The following SCARA3 variants were observed in gnomAD, a reference collection of about 807,000 sequenced individuals.
The protein encoded by SCARA3 is scavenger receptor class A member 3.
Under a neutral mutation model 47.0 loss-of-function variants are expected in SCARA3, and 39 were observed. That is an observed-to-expected ratio of 0.83 (90% CI 0.64 to 1.08). SCARA3 has a LOEUF of 1.08. SCARA3 is among the 50% of genes least tolerant of loss of function. The pLI, the probability that SCARA3 is intolerant of heterozygous loss-of-function variation, is 0.00. For missense variants in SCARA3, 724 were observed against 792.3 expected (o/e 0.91, Z 1.04); for synonymous variants, 356 against 334.1 (o/e 1.07, Z -0.71).
the SCARA3 span, among the ~76,000 whole-genome samples, chr8:27,716,263 T>C: frequency 6.6e-6 from 1 of 152,082 alleles, no homozygotes; most frequent in South Asian, 2.1e-4. Flanking sequence ...CAGTGAGCTG[T>C]GATTTCGCCA....
the SCARA3 span, among the ~76,000 whole-genome samples, chr8:27,696,684 C>CAAACT: frequency 2.0e-5 from 3 of 149,202 alleles, 1 homozygote; most frequent in Non-Finnish European, 4.4e-5. Flanking sequence ...CTGCTGGTCT[C>CAAACT]AAACTATTGT....
the SCARA3 span, among the ~76,000 whole-genome samples, chr8:27,721,008 C>A: frequency 6.6e-6 from 1 of 152,050 alleles, no homozygotes; most frequent in African/African-American, 2.4e-5. Flanking sequence ...ATTCACCCAC[C>A]TATTCACCCA....
chr8:27,687,902 G>A, the SCARA3 span, among the ~76,000 whole-genome samples: 1 of 152,170 alleles, frequency 6.6e-6, no homozygotes, highest in Non-Finnish European at 1.5e-5. Flanking sequence ...TGTAATCCCA[G>A]CTGCTCAGGA....
At chr8:27,690,072 G>C in the SCARA3 span, among the ~76,000 whole-genome samples, 1 of 152,192 alleles carries the variant, frequency 6.6e-6, no homozygotes, top group Non-Finnish European at 1.5e-5. Flanking sequence ...GTACCCAAGA[G>C]ACTGATCAGA....
At chr8:27,705,666 C>T in the SCARA3 span, among the ~76,000 whole-genome samples, 12 of 152,212 alleles carry the variant, frequency 7.9e-5, no homozygotes, top group Admixed American at 2.0e-4. Context: ...CCATGTGCCA[C>T]GCACCGTGCA....
the SCARA3 span, among the ~76,000 whole-genome samples, chr8:27,704,419 C>G: frequency 6.6e-6 from 1 of 152,080 alleles, no homozygotes; most frequent in African/African-American, 2.4e-5. Context: ...GCACTCCAGC[C>G]TGGGTGACAG....
At chr8:27,728,977 G>A in the SCARA3 span, among the ~76,000 whole-genome samples, 1 of 152,118 alleles carries the variant, frequency 6.6e-6, no homozygotes, top group Non-Finnish European at 1.5e-5. Context: ...TGAAGCAGGA[G>A]GATTTTGAGT....
intron 3 of SCARA3, among the ~76,000 whole-genome samples, chr8:27,656,504 T>A (rs926267307): frequency 2.6e-5 from 4 of 152,184 alleles, no homozygotes; most frequent in African/African-American, 9.7e-5. Flanking sequence ...AAGAATAATT[T>A]TTTTTTAATT....
intron 5 of SCARA3, among the ~76,000 whole-genome samples, chr8:27,660,532 G>GAGAT (rs11374289): frequency 0.026 from 3,822 of 147,676 alleles, 78 homozygotes; most frequent in African/African-American, 0.053. Flanking sequence ...AGATAGAGAT[G>GAGAT]AGATAGATAG....
intron 1 of SCARA3, among the ~76,000 whole-genome samples, chr8:27,642,936 G>A (rs997548793): frequency 6.6e-6 from 1 of 152,208 alleles, no homozygotes; most frequent in African/African-American, 2.4e-5. Context: ...TGGACAGAGA[G>A]GAGATCAGTG....
In SCARA3 at chr8:27,671,872, T is replaced by G; in HGVS notation, c.*521T>G. On this transcript the variant is annotated 3_prime_UTR_variant, in exon 6 of 6. Transcript: ENST00000301904. ...GCCAGGTGGGCCAACTGGGTTTCCCTGGCTGGGCAGGAGGAGAGGGCAGAG... is the reference window on the plus strand; with the variant it reads ...GCCAGGTGGGCCAACTGGGTTTCCCGGGCTGGGCAGGAGGAGAGGGCAGAG... The G allele has an allele frequency of 6.1e-6, 6 of 985,490 alleles. No individual in the cohort carries two copies. In the South Asian group the frequency reaches 1.9e-4, roughly 31 times the overall value. The allele number at this position is 985,490 out of a possible 1,614,324, so 61.0% of individuals were successfully genotyped here.
At chr8:27,722,859 AG>A in the SCARA3 span, among the ~76,000 whole-genome samples, 1 of 152,270 alleles carries the variant, frequency 6.6e-6, no homozygotes, top group Non-Finnish European at 1.5e-5. Flanking sequence ...TTTCTCCAAC[AG>A]GGTATCCCTT....
the SCARA3 span, chr8:27,697,195 G>T: frequency 4.7e-6 from 1 of 214,738 alleles, no homozygotes; most frequent in East Asian, 1.1e-4. Flanking sequence ...CCAGAGCAAA[G>T]GGAAGATGGT....
At chr8:27,727,484 G>GGATA in the SCARA3 span, among the ~76,000 whole-genome samples, 1 of 152,090 alleles carries the variant, frequency 6.6e-6, no homozygotes, top group African/African-American at 2.4e-5. Flanking sequence ...TATCCACACT[G>GGATA]GATAATACTC....
the SCARA3 span, among the ~76,000 whole-genome samples, chr8:27,691,336 G>A: frequency 6.6e-6 from 1 of 152,146 alleles, no homozygotes; most frequent in Non-Finnish European, 1.5e-5. Context: ...CTTGGCCAGA[G>A]TGACAGAATC....
downstream of SCARA3, among the ~76,000 whole-genome samples, chr8:27,675,078 G>T (rs959083227): frequency 2.6e-5 from 4 of 152,238 alleles, no homozygotes; most frequent in Admixed American, 2.0e-4. Context: ...CCACAGACCT[G>T]GCTCATGTCC....
chr8:27,714,280 C>G, the SCARA3 span, among the ~76,000 whole-genome samples: 19 of 149,300 alleles, frequency 1.3e-4, no homozygotes, highest in Non-Finnish European at 4.4e-5. Flanking sequence ...ACTGCAACCT[C>G]CGCCTCCCTG....
intron 5 of SCARA3, among the ~76,000 whole-genome samples, chr8:27,668,165 T>C (rs1802059205): frequency 6.6e-6 from 1 of 152,174 alleles, no homozygotes; most frequent in Non-Finnish European, 1.5e-5. Flanking sequence ...TCCCCAGAGC[T>C]TTCCGGGAAA....
chr8:27,683,115 C>G, the SCARA3 span, among the ~76,000 whole-genome samples: 1 of 151,932 alleles, frequency 6.6e-6, no homozygotes, highest in Non-Finnish European at 1.5e-5. Flanking sequence ...GAATAAGTAA[C>G]ATTAGACACA....
Sources: allele counts gnomAD v4.1 joint callset (sites outside exome capture counted in the v4.1 genomes callset), GRCh38; gene constraint gnomAD v4.1.1; transcripts MANE v1.5; gene names NCBI Gene and HGNC (gene_info 2026-07-23, HGNC 2026-07-21).